The following WDR12 variants were observed in gnomAD, a reference collection of about 807,000 sequenced individuals.
The protein encoded by WDR12 is ribosome biogenesis protein WDR12.
WDR12 carries 42 observed loss-of-function variants against 64.3 expected under a neutral mutation model. The observed-to-expected ratio is 0.65, with a 90% confidence interval of 0.51 to 0.84. The LOEUF (loss-of-function observed/expected upper bound fraction) is 0.84, where lower values mean the gene tolerates loss of function less well. Among genes scored for constraint, WDR12 ranks in the 40% least tolerant of loss-of-function variants. The pLI, the probability that WDR12 is intolerant of heterozygous loss-of-function variation, is 0.00. For synonymous variants in WDR12, 158 were observed against 173.3 expected, an observed-to-expected ratio of 0.91 and a Z score of 0.70; for missense variants, 469 against 494.6, an observed-to-expected ratio of 0.95 and a Z score of 0.49.
At chr2:202,886,613 CA>C (rs1688053496) in intron 8 of WDR12, among the ~76,000 whole-genome samples, 1 of 151,796 alleles carries the variant, frequency 6.6e-6, no homozygotes, top group Non-Finnish European at 1.5e-5. Flanking sequence ...ACTAAAACTA[CA>C]AAATTAGCCA....
At position 202,884,455 on chromosome 2, in the gene WDR12, T is replaced by C. The variant is rs1445629634; in HGVS notation, c.822A>G (p.Ala274=). Residue 274 remains alanine, a synonymous_variant, in exon 9 of 13, where the codon GCA becomes GCG. Coordinates refer to ENST00000261015, the MANE Select transcript of WDR12 (RefSeq NM_018256.4). ...ACACTCTAATTGTATGGTCCCAAGATGCACTGCAGATTTCTTCAGCATCTG... is the reference window on the plus strand; with the variant it reads ...ACACTCTAATTGTATGGTCCCAAGACGCACTGCAGATTTCTTCAGCATCTG... ...LWSDAEEICS[A]SWDHTIRVWD... 2.5e-6 allele frequency: 4 copies of C among 1,614,178 alleles called. No individual in the cohort carries two copies. Among genetic ancestry groups the C allele is most frequent in the Non-Finnish European group, 3.4e-6 (4 of 1,180,030 alleles).
chr2:202,899,632 T>C lies in WDR12; in HGVS notation c.237A>G (p.Glu79=), dbSNP rs756404192. ...HMEMENISSE[E]VVEIEYVEKY... ...TCTCCACGTATTCTATTTCCACAAC[T>C]TCTTCCTAATCACAAGAGAAACCAG... Residue 79 remains glutamate, a synonymous_variant, in exon 4 of 13, where the codon GAA becomes GAG. Transcript: ENST00000261015. 8.1e-6 allele frequency: 13 copies of C among 1,613,658 alleles called. No individual in the cohort carries two copies. The highest frequency in any genetic ancestry group is 1.3e-5 in the African/African-American group (1 of 74,912).
In WDR12 at chr2:202,895,463, T is replaced by A. The variant is rs188299656; in HGVS notation, c.609+602A>T. On this transcript the variant is annotated intron_variant, in intron 6 of 12. Transcript: ENST00000261015. Reference sequence around the variant, plus strand: ...TGATATAGACTGGAAATATGTCAATTACTATGAGGTAAGAAGGTTATATAA... The same window carrying A: ...TGATATAGACTGGAAATATGTCAATAACTATGAGGTAAGAAGGTTATATAA... Among the ~76,000 whole-genome samples, 340 of 152,140 alleles carry A rather than the reference T, an allele frequency of 2.2e-3. 2 individuals are homozygous for A. The highest frequency in any genetic ancestry group is 7.7e-3 in the African/African-American group (320 of 41,530).
Position 202,877,172 on chromosome 2 carries a change from T to G in WDR12, c.*3688A>C. The G allele has an allele frequency of 6.6e-6, 1 of 151,938 alleles. No homozygotes were observed. Among genetic ancestry groups the G allele is most frequent in the East Asian group, 1.9e-4 (1 of 5,194 alleles). The allele number at this position is 151,938 out of a possible 1,614,324, so 9.4% of individuals were successfully genotyped here. A position where few individuals can be genotyped will look rare whatever the true frequency, so the allele number is the denominator to read the frequency against. On this transcript the variant is annotated 3_prime_UTR_variant, in exon 13 of 13. Transcript: ENST00000261015. The stretch of plus-strand genomic sequence containing the variant: ...TATGCATTTTATATCAATTTAAACT[T>G]TTGTTTGTTCTTTCTCCAATAATAT...
intron 1 of WDR12, 128 bp downstream of exon 1, chr2:202,911,308 A>G (rs1283059649): frequency 1.1e-6 from 1 of 884,410 alleles, no homozygotes; most frequent in Non-Finnish European, 1.9e-6. Context: ...AGCTGGTTAG[A>G]AAGCAGGTAA....
intron 1 of WDR12, among the ~76,000 whole-genome samples, chr2:202,909,819 G>C (rs1553543319): frequency 7.3e-6 from 1 of 137,764 alleles, no homozygotes; most frequent in Non-Finnish European, 1.7e-5. Flanking sequence ...ATTTGAGATA[G>C]AGTCTCACTA....
chr2:202,885,389 C>T (rs1204017480), intron 8 of WDR12, among the ~76,000 whole-genome samples: 1 of 152,190 alleles, frequency 6.6e-6, no homozygotes, highest in Non-Finnish European at 1.5e-5. Flanking sequence ...AAAGTATTCA[C>T]ACTTCTATTC....
intron 2 of WDR12, among the ~76,000 whole-genome samples, chr2:202,905,867 C>A (rs926116229): frequency 1.3e-5 from 2 of 152,102 alleles, no homozygotes; most frequent in African/African-American, 4.8e-5. Flanking sequence ...TTACCAGACA[C>A]TGAGAAGGGT....
At chr2:202,902,518 G>A (rs1688367435) in intron 2 of WDR12, among the ~76,000 whole-genome samples, 1 of 152,180 alleles carries the variant, frequency 6.6e-6, no homozygotes, top group South Asian at 2.1e-4. Flanking sequence ...TAGGATAAAA[G>A]GAGGCAGAGG....
At chr2:202,899,176 G>T (rs1166151142) in intron 4 of WDR12, among the ~76,000 whole-genome samples, 3 of 151,148 alleles carry the variant, frequency 2.0e-5, no homozygotes, top group African/African-American at 7.3e-5. Flanking sequence ...CCAAGTAGCG[G>T]GGACTACAGG....
At chr2:202,903,249 T>G (rs2105911092) in intron 2 of WDR12, among the ~76,000 whole-genome samples, 1 of 152,224 alleles carries the variant, frequency 6.6e-6, no homozygotes, top group Non-Finnish European at 1.5e-5. Flanking sequence ...TCAACATCCT[T>G]TCATGATAAA....
rs1559162254 is a variant in WDR12 at position 202,897,926 on chromosome 2, A to ATATATATATATAT, written c.339-512_339-511insATATATATATATA. Among the ~76,000 whole-genome samples the ATATATATATATAT allele has an allele frequency of 3.7e-3, 202 of 54,086 alleles. 5 individuals carry two copies. Among genetic ancestry groups the ATATATATATATAT allele is most frequent in the Middle Eastern group, 0.017 (1 of 58 alleles). 35.5% of individuals were successfully genotyped at this position (54,086 alleles called of 152,430 possible). A position where few individuals can be genotyped will look rare whatever the true frequency, so the allele number is the denominator to read the frequency against. ...AAAAAAAAATATATATATATATATA[A>ATATATATATATAT]AAAATATATATCATATATATACATA... On this transcript the variant is annotated intron_variant, in intron 4 of 12. Coordinates refer to ENST00000261015, the MANE Select transcript of WDR12 (RefSeq NM_018256.4).
In WDR12 at chr2:202,911,438, CTTG is replaced by C. The variant is rs777749324; in HGVS notation, c.36_38del (p.Asn12del). 4 of 1,614,116 alleles carry C rather than the reference CTTG, an allele frequency of 2.5e-6. No homozygotes were observed. The highest frequency in any genetic ancestry group is 2.2e-5 in the South Asian group (2 of 91,078). On this transcript the variant is annotated inframe_deletion, in exon 1 of 13. Coordinates refer to ENST00000261015, the MANE Select transcript of WDR12 (RefSeq NM_018256.4). Reference sequence around the variant, plus strand: ...AGAAGGCTGGAACGCTTACTTACTTCTTGTTATCAGTGTAGAAGCGTGTTTGGA... The same window carrying C: ...AGAAGGCTGGAACGCTTACTTACTTCTTATCAGTGTAGAAGCGTGTTTGGA...
At chr2:202,896,931 G>A (rs1329764977) in intron 5 of WDR12, among the ~76,000 whole-genome samples, 1 of 152,130 alleles carries the variant, frequency 6.6e-6, no homozygotes, top group Non-Finnish European at 1.5e-5. Context: ...ATGTTGCAGT[G>A]AGCCGAGATC....
chr2:202,890,157 A>C (rs1688128656), intron 8 of WDR12, among the ~76,000 whole-genome samples: 1 of 151,968 alleles, frequency 6.6e-6, no homozygotes, highest in Non-Finnish European at 1.5e-5. Context: ...CAGTCTGGGG[A>C]GGCTGAGGCT....
intron 8 of WDR12, among the ~76,000 whole-genome samples, chr2:202,884,953 T>TC (rs954720632): frequency 5.3e-5 from 8 of 152,036 alleles, no homozygotes; most frequent in Non-Finnish European, 1.2e-4. Flanking sequence ...ATACAGTTTC[T>TC]CCCCCCCTCT....
At chr2:202,897,945 A>G (rs1289698021) in intron 4 of WDR12, among the ~76,000 whole-genome samples, 1 of 141,024 alleles carries the variant, frequency 7.1e-6, no homozygotes, top group Non-Finnish European at 1.5e-5. Context: ...TATCATATAT[A>G]TACATAGTAT....
rs1687898836 is a variant in WDR12, at chr2:202,878,497, T to A, written c.*2363A>T. The A allele has an allele frequency of 3.9e-5, 6 of 152,350 alleles. No homozygotes were observed. The South Asian group carries it at 1.2e-3, about 32-fold the overall frequency. 9.4% of individuals were successfully genotyped at this position (152,350 alleles called of 1,614,324 possible). On this transcript the variant is annotated 3_prime_UTR_variant, in exon 13 of 13. Coordinates refer to ENST00000261015, the MANE Select transcript of WDR12 (RefSeq NM_018256.4). Reference sequence around the variant, plus strand: ...GCCACCTTTATTCACTATTTGGCATTAAAATATACTTTAAGAAATGGTAAC... The same window carrying A: ...GCCACCTTTATTCACTATTTGGCATAAAAATATACTTTAAGAAATGGTAAC...
chr2:202,890,068 A>C (rs577419133), intron 8 of WDR12, among the ~76,000 whole-genome samples: 1 of 152,006 alleles, frequency 6.6e-6, no homozygotes, highest in Non-Finnish European at 1.5e-5. Flanking sequence ...ATCTACAAAA[A>C]AAAAGAAAAA....
Sources: gnomAD v4.1 joint callset for allele counts (sites outside exome capture counted in the v4.1 genomes callset) on GRCh38, gnomAD v4.1.1 for gene constraint, MANE v1.5 for transcripts, NCBI Gene and HGNC (gene_info 2026-07-23, HGNC 2026-07-21) for gene names.